The following FERMT3 variants were observed in gnomAD, a reference collection of about 807,000 sequenced individuals.
The protein encoded by FERMT3 is fermitin family homolog 3.
FERMT3 carries 33 observed loss-of-function variants against 80.8 expected under a neutral mutation model. The ratio of observed to expected loss-of-function variants is 0.41; its 90% CI spans 0.31 to 0.55. The LOEUF is 0.55. Among genes scored for constraint, FERMT3 ranks in the 20% least tolerant of loss-of-function variants. FERMT3 has a pLI of 0.31. For synonymous variants in FERMT3, 375 were observed against 372.2 expected, an observed-to-expected ratio of 1.01 and a Z score of -0.09; for missense variants, 754 against 908.7, an observed-to-expected ratio of 0.83 and a Z score of 2.19.
At chr11:64,209,630 C>T (rs1156998076) in intron 2 of FERMT3, among the ~76,000 whole-genome samples, 1 of 152,146 alleles carries the variant, frequency 6.6e-6, no homozygotes, top group Non-Finnish European at 1.5e-5. Context: ...AAGGGCCCAG[C>T]CTGGGAGGGG....
At chr11:64,222,914 G>A in intron 13 of FERMT3, 134 bp from the exon 14 acceptor site, 2 of 1,176,312 alleles carry the variant, frequency 1.7e-6, no homozygotes, top group Admixed American at 2.0e-5. Flanking sequence ...GAACCCAAAT[G>A]GCTTGCTCAG....
chr11:64,221,174 C>A, intron 13 of FERMT3, 34 bp downstream of exon 13: 2 of 1,595,184 alleles, frequency 1.3e-6, no homozygotes, highest in South Asian at 2.2e-5. Context: ...TGCCCAGCAC[C>A]GTCTCTGCCC....
intron 2 of FERMT3, 28 bp downstream of exon 2, chr11:64,207,552 C>G (rs1249872440): frequency 1.3e-6 from 2 of 1,583,214 alleles, no homozygotes; most frequent in Non-Finnish European, 1.7e-6. Flanking sequence ...GCTTGCTGAA[C>G]TCGGCACCAT....
At position 64,220,420 on chromosome 11, in the gene FERMT3, C is replaced by T; in HGVS notation, c.1312-16C>T. On this transcript the variant is annotated splice_polypyrimidine_tract_variant and intron_variant, in intron 11 of 14. Coordinates refer to ENST00000345728, the MANE Select transcript of FERMT3 (RefSeq NM_031471.6). ...CAAGCTTGGTTAGCACTGTCCCCCT[C>T]ACCCCTCTCGCCCAGGAGCAGCAGT... 6.2e-7 allele frequency: 1 copy of T among 1,610,428 alleles called. No individual in the cohort carries two copies. The highest frequency in any genetic ancestry group is 8.5e-7 in the Non-Finnish European group (1 of 1,179,370).
chr11:64,215,407 A>G (rs543819946), intron 6 of FERMT3, among the ~76,000 whole-genome samples: 16 of 150,506 alleles, frequency 1.1e-4, no homozygotes, highest in Non-Finnish European at 2.1e-4. Flanking sequence ...TCTTTTTCTT[A>G]TTGATTTGTA....
Position 64,219,179 on chromosome 11 carries a change from C to T in FERMT3, c.787-72C>T. ...GGCAGAGGGCCAAGGCTGGCAGGGG[C>T]TCAGTGCAGGGCGTCCAGGGCAGCT... On this transcript the variant is annotated intron_variant, in intron 6 of 14. Transcript: ENST00000345728. The surrounding 1 kb of genome is among the most constrained non-coding windows in gnomAD (Gnocchi z 4.0). The T allele has an allele frequency of 7.0e-7, 1 of 1,424,566 alleles. No homozygotes were observed. The allele number at this position is 1,424,566 out of a possible 1,614,324, so 88.2% of individuals were successfully genotyped here.
In FERMT3 at chr11:64,211,796, G is replaced by T; in HGVS notation, c.786+49G>T. 6.4e-7 allele frequency: 1 copy of T among 1,564,916 alleles called. No individual in the cohort carries two copies. Among genetic ancestry groups the T allele is most frequent in the Non-Finnish European group, 8.8e-7 (1 of 1,135,748 alleles). ...GGGCCTCAGGTCCATGAGATGTGGAGACCTAGGGCCTGGGGTATGGGCTCT... is the reference window on the plus strand; with the variant it reads ...GGGCCTCAGGTCCATGAGATGTGGATACCTAGGGCCTGGGGTATGGGCTCT... On this transcript the variant is annotated intron_variant, in intron 6 of 14. Transcript: ENST00000345728. The surrounding 1 kb of genome is among the most constrained non-coding windows in gnomAD (Gnocchi z 4.7).
intron 1 of FERMT3, 92 bp from the exon 2 acceptor site, chr11:64,207,259 T>G: frequency 6.7e-7 from 1 of 1,487,420 alleles, no homozygotes; most frequent in Non-Finnish European, 9.3e-7. Context: ...GGCTTTCCTC[T>G]GGGTGTGTCC....
In FERMT3 at chr11:64,219,222, GC is replaced by G; in HGVS notation, c.787-27del. 6.4e-7 allele frequency: 1 copy of G among 1,555,636 alleles called. No individual in the cohort carries two copies. On this transcript the variant is annotated intron_variant, in intron 6 of 14. Transcript: ENST00000345728. This position sits in a 1 kb window ranked among gnomAD's most constrained non-coding sequence, Gnocchi z 4.0. ...GGGCAGCTGGCATCTGACCAGCCCAGCCTCCAGCCTCCTCTCCCCCCGCTCC... is the reference window on the plus strand; with the variant it reads ...GGGCAGCTGGCATCTGACCAGCCCAGCTCCAGCCTCCTCTCCCCCCGCTCC...
At chr11:64,209,794 C>T (rs1946396595) in intron 2 of FERMT3, among the ~76,000 whole-genome samples, 2 of 152,158 alleles carry the variant, frequency 1.3e-5, no homozygotes, top group Admixed American at 1.3e-4. Flanking sequence ...GGAAACAGGG[C>T]TTTGCAAACT....
chr11:64,213,953 A>G (rs957990103), intron 6 of FERMT3, among the ~76,000 whole-genome samples: 1 of 152,170 alleles, frequency 6.6e-6, no homozygotes, highest in African/African-American at 2.4e-5. Context: ...TGACTTTGTA[A>G]GAAGGTTTCA....
At chr11:64,222,670 G>C (rs556771563) in intron 13 of FERMT3, among the ~76,000 whole-genome samples, 1 of 152,084 alleles carries the variant, frequency 6.6e-6, no homozygotes, top group Non-Finnish European at 1.5e-5. Context: ...TGGGTTCGCC[G>C]GTCCGCAAGA....
chr11:64,219,681 G>A lies in FERMT3; in HGVS notation c.1029+23G>A, dbSNP rs761007422. 3 of 1,613,864 alleles carry A rather than the reference G, an allele frequency of 1.9e-6. No individual in the cohort carries two copies. The highest frequency in any genetic ancestry group is 8.5e-7 in the Non-Finnish European group (1 of 1,179,992). On this transcript the variant is annotated intron_variant, in intron 8 of 14. Transcript: ENST00000345728. This position sits in a 1 kb window ranked among gnomAD's most constrained non-coding sequence, Gnocchi z 4.0. ...CTGGTGAGGAGGGGCTCAGGGCAGG[G>A]GCTGGGCAGGGAGAACTGTGAGGTA...
At chr11:64,216,263 C>T (rs1328049664) in intron 6 of FERMT3, among the ~76,000 whole-genome samples, 1 of 146,834 alleles carries the variant, frequency 6.8e-6, no homozygotes, top group Non-Finnish European at 1.5e-5. Flanking sequence ...ATGGCAAGAT[C>T]TCGGCTCACT....
rs151094195 is a variant in FERMT3, at chr11:64,218,239, C to T, written c.787-1012C>T. Among the ~76,000 whole-genome samples the T allele has an allele frequency of 6.1e-3, 934 of 152,168 alleles. 4 individuals are homozygous for T. Among genetic ancestry groups the T allele is most frequent in the African/African-American group, 0.022 (901 of 41,516 alleles). On this transcript the variant is annotated intron_variant, in intron 6 of 14. Transcript: ENST00000345728. ...CAGGATGGTCTTGATCTCCTGACCT[C>T]GTGATCCACCGACCTCGGCCTCCCA...
Position 64,210,818 on chromosome 11 carries a change from C to T in FERMT3, c.368C>T (p.Ala123Val), listed in dbSNP as rs1409375048. ...AGCTTCTCCCAGCCCCTCTTCCAGG[C>T]TGTGGCTGCCATCTGCCGCCTCCTC... ...RASFSQPLFQAVAAICRLLSI... is the reference protein window; with the variant it reads ...RASFSQPLFQVVAAICRLLSI... The change falls in exon 3 of 15, where the codon GCT becomes GTT. Residue 123 changes from alanine (A) to valine (V), a missense_variant. Ala to Val is a moderately conservative substitution (Grantham distance 64). Transcript: ENST00000345728. This position sits in a 1 kb window ranked among gnomAD's most constrained non-coding sequence, Gnocchi z 4.3. The T allele has an allele frequency of 1.9e-6, 3 of 1,613,162 alleles. No homozygotes were observed. Among genetic ancestry groups the T allele is most frequent in the Non-Finnish European group, 8.5e-7 (1 of 1,180,004 alleles).
intron 6 of FERMT3, among the ~76,000 whole-genome samples, chr11:64,217,549 TAAAAA>T (rs1015213268): frequency 6.8e-6 from 1 of 146,932 alleles, no homozygotes; most frequent in African/African-American, 2.5e-5. Context: ...AACTCCATCT[TAAAAA>T]AAAAAAATTG....
chr11:64,218,205 T>C (rs1244376347), intron 6 of FERMT3, among the ~76,000 whole-genome samples: 14 of 152,080 alleles, frequency 9.2e-5, no homozygotes, highest in Admixed American at 8.5e-4. Flanking sequence ...AGGGTTTCAC[T>C]GTGTTAGCCA....
intron 2 of FERMT3, 180 bp downstream of exon 2, chr11:64,207,704 C>T (rs1946344218): frequency 1.5e-6 from 1 of 689,626 alleles, no homozygotes; most frequent in Non-Finnish European, 2.4e-6. Context: ...CTCCCTCCCA[C>T]CCTCTTCCCT....
Sources: gnomAD v4.1 joint callset for allele counts (sites outside exome capture counted in the v4.1 genomes callset) on GRCh38, gnomAD v4.1.1 for gene constraint, Gnocchi (gnomAD v3.1) non-coding constraint, MANE v1.5 for transcripts, NCBI Gene and HGNC (gene_info 2026-07-23, HGNC 2026-07-21) for gene names.